Variants in ADAM12 observed in about 807,000 individuals in gnomAD.
ADAM12 encodes the protein disintegrin and metalloproteinase domain-containing protein 12.
In ADAM12, 70 loss-of-function variants were observed where a neutral mutation model predicts 106.4. That is an observed-to-expected ratio of 0.66 (90% CI 0.54 to 0.80). The LOEUF is 0.80. Ranked by LOEUF, ADAM12 falls within the 30% of genes least tolerant of loss-of-function variation. The probability of loss-of-function intolerance (pLI) is 0.00; values close to 1 mark genes in which losing one functional copy is unlikely to be tolerated. For synonymous variants in ADAM12, 420 were observed against 433.5 expected (o/e 0.97, Z 0.39); for missense variants, 1,010 against 1,171.9 (o/e 0.86, Z 2.02).
intron 3 of ADAM12, among the ~76,000 whole-genome samples, chr10:126,178,848 A>T (rs1015308933): frequency 1.3e-5 from 2 of 152,142 alleles, no homozygotes; most frequent in Non-Finnish European, 2.9e-5. Context: ...GGAGTTCAAG[A>T]CCAGCCTGGC....
At chr10:126,295,725 T>A (rs114803144) in intron 2 of ADAM12, among the ~76,000 whole-genome samples, 1,605 of 152,324 alleles carry the variant, frequency 0.011, 35 homozygotes, top group African/African-American at 0.037. Context: ...ATGCACACTC[T>A]TTTGTCCCCA....
intron 3 of ADAM12, among the ~76,000 whole-genome samples, chr10:126,207,822 G>C (rs1174974456): frequency 6.6e-6 from 1 of 151,914 alleles, no homozygotes; most frequent in Non-Finnish European, 1.5e-5. Context: ...TCATCTCTCA[G>C]GAATTAGAGA....
At chr10:126,274,657 T>A (rs903558108) in intron 3 of ADAM12, among the ~76,000 whole-genome samples, 1 of 152,138 alleles carries the variant, frequency 6.6e-6, no homozygotes, top group African/African-American at 2.4e-5. Context: ...TATATCTTCA[T>A]CGAGATGGTC....
chr10:126,025,824 A>G (rs1226093554), intron 21 of ADAM12, among the ~76,000 whole-genome samples: 1 of 152,244 alleles, frequency 6.6e-6, no homozygotes, highest in Non-Finnish European at 1.5e-5. Flanking sequence ...AAGATACTCC[A>G]TGAGAAGATC....
chr10:126,271,052 G>A (rs184761326), intron 3 of ADAM12, among the ~76,000 whole-genome samples: 1 of 152,216 alleles, frequency 6.6e-6, no homozygotes, highest in African/African-American at 2.4e-5. Context: ...AAAATGCCAT[G>A]CCCAGTTCTA....
intron 2 of ADAM12, among the ~76,000 whole-genome samples, chr10:126,287,576 G>A (rs557810231): frequency 3.9e-5 from 6 of 152,022 alleles, no homozygotes; most frequent in South Asian, 2.1e-4. Flanking sequence ...CGGCCTTCAC[G>A]CTGTGAAGGC....
chr10:126,313,989 A>G (rs1451538240), intron 2 of ADAM12, among the ~76,000 whole-genome samples: 1 of 152,032 alleles, frequency 6.6e-6, no homozygotes, highest in Non-Finnish European at 1.5e-5. Flanking sequence ...CTCATTCACC[A>G]TGCAACTAGA....
At chr10:126,071,341 A>G in intron 12 of ADAM12, 136 bp downstream of exon 12, 3 of 1,036,560 alleles carry the variant, frequency 2.9e-6, no homozygotes, top group Admixed American at 2.5e-5. Flanking sequence ...GGGCTTGTTC[A>G]GGATGGGCAG....
intron 3 of ADAM12, among the ~76,000 whole-genome samples, chr10:126,267,861 C>T (rs1049029846): frequency 1.2e-4 from 18 of 152,054 alleles, no homozygotes; most frequent in South Asian, 8.3e-4. Context: ...TCACCGTCTT[C>T]CTCTACACTA....
chr10:126,229,177 C>T (rs1040937130), intron 3 of ADAM12, among the ~76,000 whole-genome samples: 14 of 152,174 alleles, frequency 9.2e-5, no homozygotes, highest in African/African-American at 2.9e-4. Context: ...CAGGGGCTTC[C>T]GGTGGAGGGA....
intron 3 of ADAM12, among the ~76,000 whole-genome samples, chr10:126,201,961 A>C (rs1957709485): frequency 6.6e-6 from 1 of 152,216 alleles, no homozygotes; most frequent in Non-Finnish European, 1.5e-5. Flanking sequence ...ACGTCCAGGG[A>C]AAGAATGGGC....
At chr10:126,297,803 T>C (rs1447797410) in intron 2 of ADAM12, among the ~76,000 whole-genome samples, 1 of 151,962 alleles carries the variant, frequency 6.6e-6, no homozygotes. Flanking sequence ...AAACAGAAGG[T>C]ATGATCCCAA....
At chr10:126,281,708 G>A (rs1397786678) in intron 2 of ADAM12, among the ~76,000 whole-genome samples, 4 of 152,060 alleles carry the variant, frequency 2.6e-5, no homozygotes, top group East Asian at 3.9e-4. Context: ...AAGTAGTACC[G>A]GTAAAATACG....
At chr10:126,249,976 A>G (rs1958713399) in intron 3 of ADAM12, among the ~76,000 whole-genome samples, 2 of 152,140 alleles carry the variant, frequency 1.3e-5, no homozygotes, top group African/African-American at 4.8e-5. Context: ...CTCATACACA[A>G]TAAGTAGGCC....
intron 3 of ADAM12, among the ~76,000 whole-genome samples, chr10:126,228,481 G>T (rs1041076829): frequency 6.6e-5 from 10 of 152,158 alleles, no homozygotes; most frequent in Admixed American, 6.5e-4. Flanking sequence ...AAAACCCTAA[G>T]AAGGTTTAGT....
intron 18 of ADAM12, chr10:126,041,788 T>C: frequency 9.0e-7 from 1 of 1,116,978 alleles, no homozygotes. Flanking sequence ...CCCACTGCTG[T>C]GGAGGCTCAG....
In ADAM12 at chr10:126,071,641, T is replaced by C; in HGVS notation, c.1159A>G (p.Met387Val). The change falls in exon 12 of 23, where the codon ATG becomes GTG. Residue 387 changes from methionine (M) to valine (V), a missense_variant. By Grantham distance (21) the Met-to-Val change is conservative. Coordinates refer to ENST00000448723, the MANE Select transcript of ADAM12 (RefSeq NM_001288973.2). ...TTCCTGCTGCAACTGCTGAACACCA[T>C]GGGAAATGGGTACCTGAGAAAGGAG... ...MNASTGYPFP[M>V]VFSSCSRKDL... 6.2e-7 allele frequency: 1 copy of C among 1,614,012 alleles called. No homozygotes were observed. The highest frequency in any genetic ancestry group is 8.5e-7 in the Non-Finnish European group (1 of 1,179,986).
chr10:126,266,501 T>C (rs1959100389), intron 3 of ADAM12, among the ~76,000 whole-genome samples: 1 of 152,008 alleles, frequency 6.6e-6, no homozygotes, highest in South Asian at 2.1e-4. Flanking sequence ...AGGAGGGAGA[T>C]AATGCAAGAG....
At chr10:126,359,857 C>T (rs1195885213) in intron 1 of ADAM12, among the ~76,000 whole-genome samples, 1 of 152,224 alleles carries the variant, frequency 6.6e-6, no homozygotes, top group Non-Finnish European at 1.5e-5. Context: ...CCCTTTCGCA[C>T]TGCCCTAGCA....
Sources: gnomAD v4.1 joint callset for allele counts (sites outside exome capture counted in the v4.1 genomes callset) on GRCh38, gnomAD v4.1.1 for gene constraint, MANE v1.5 for transcripts, NCBI Gene and HGNC (gene_info 2026-07-23, HGNC 2026-07-21) for gene names.